KCNN2: variants seen among roughly 807,000 people sequenced by gnomAD.
KCNN2 encodes small conductance calcium-activated potassium channel protein 2.
Under a neutral mutation model 55.5 loss-of-function variants are expected in KCNN2, and 24 were observed. That is an observed-to-expected ratio of 0.43 (90% CI 0.31 to 0.61). The LOEUF (loss-of-function observed/expected upper bound fraction) is 0.61. Among genes scored for constraint, KCNN2 ranks in the 20% least tolerant of loss-of-function variants. KCNN2 has a pLI of 0.08. For synonymous variants in KCNN2, 431 were observed against 336.1 expected (o/e 1.28, Z -3.09); for missense variants, 754 against 853.6 (o/e 0.88, Z 1.45).
intron 2 of KCNN2, among the ~76,000 whole-genome samples, chr5:114,383,615 G>C (rs554233867): frequency 7.1e-4 from 108 of 152,044 alleles, no homozygotes; most frequent in African/African-American, 2.5e-3. Flanking sequence ...ATTACAGGCG[G>C]GCGCAGCCAT....
chr5:114,410,037 C>T (rs536545682), intron 3 of KCNN2, among the ~76,000 whole-genome samples: 2 of 152,258 alleles, frequency 1.3e-5, no homozygotes, highest in East Asian at 3.9e-4. Flanking sequence ...AGGTAGGCAT[C>T]AGTTCTAGGA....
At chr5:114,221,987 C>T (rs1754148493) in intron 2 of KCNN2, among the ~76,000 whole-genome samples, 1 of 152,134 alleles carries the variant, frequency 6.6e-6, no homozygotes, top group Non-Finnish European at 1.5e-5. Flanking sequence ...TGATGAAATA[C>T]ACCTTACTAA....
At chr5:114,457,735 T>C (rs1483367534) in intron 3 of KCNN2, among the ~76,000 whole-genome samples, 3 of 152,190 alleles carry the variant, frequency 2.0e-5, no homozygotes, top group Non-Finnish European at 4.4e-5. Flanking sequence ...TCCCTGGATT[T>C]CCAGCTCTGT....
intron 2 of KCNN2, among the ~76,000 whole-genome samples, chr5:114,295,940 A>G (rs1235006468): frequency 1.3e-5 from 2 of 152,248 alleles, no homozygotes; most frequent in African/African-American, 4.8e-5. Context: ...AGATTCCTGC[A>G]TAACCTAAGG....
intron 1 of KCNN2, among the ~76,000 whole-genome samples, chr5:114,123,745 GACTTTGAT>G (rs1322290463): frequency 3.3e-5 from 5 of 152,034 alleles, no homozygotes; most frequent in African/African-American, 1.2e-4. Flanking sequence ...GCAGATTTTT[GACTTTGAT>G]ATTCTAGATT....
At position 114,230,528 on chromosome 5, in the gene KCNN2, G is replaced by A. The variant is rs373019107; in HGVS notation, c.-185+8963G>A. The stretch of plus-strand genomic sequence containing the variant: ...AATTCCCACCTATGAGTGAGAATAT[G>A]CGGTGTTTGGTTTTTTGTTCTTGCG... On this transcript the variant is annotated intron_variant, in intron 2 of 10. Transcript: ENST00000512097. Among the ~76,000 whole-genome samples the A allele has an allele frequency of 1.6e-4, 15 of 93,100 alleles. 1 individual carries two copies. In the South Asian group the frequency reaches 5.4e-3, roughly 33 times the overall value. 61.1% of individuals were successfully genotyped at this position (93,100 alleles called of 152,430 possible).
At chr5:114,489,065 T>TAATC (rs1432595169) in intron 6 of KCNN2, 2 of 152,238 alleles carry the variant, frequency 1.3e-5, no homozygotes, top group East Asian at 3.9e-4. Context: ...GATTTACCTT[T>TAATC]AATCAATTTT....
At chr5:114,177,192 C>G (rs1000941142) in intron 1 of KCNN2, among the ~76,000 whole-genome samples, 1 of 147,192 alleles carries the variant, frequency 6.8e-6, no homozygotes, top group Non-Finnish European at 1.5e-5. Context: ...GGCTGGAGTG[C>G]AGTGGCGCGA....
chr5:114,093,119 A>G (rs1401171361), intron 1 of KCNN2, among the ~76,000 whole-genome samples: 1 of 152,052 alleles, frequency 6.6e-6, no homozygotes, highest in East Asian at 1.9e-4. Flanking sequence ...ATAAGTTCCA[A>G]TTTCAGATCA....
intron 1 of KCNN2, among the ~76,000 whole-genome samples, chr5:114,102,488 G>A (rs1375716330): frequency 6.6e-6 from 1 of 152,146 alleles, no homozygotes; most frequent in Non-Finnish European, 1.5e-5. Context: ...TGCTTTTGGT[G>A]TTTTAGTCAT....
upstream of KCNN2, chr5:114,361,219 T>A (rs761730094): frequency 6.6e-6 from 1 of 152,274 alleles, no homozygotes. Flanking sequence ...CGGCCGGCTC[T>A]GTCGGCAGAC....
At chr5:114,493,075 G>A (rs2150142819) in intron 6 of KCNN2, among the ~76,000 whole-genome samples, 1 of 152,226 alleles carries the variant, frequency 6.6e-6, no homozygotes, top group Admixed American at 6.5e-5. Flanking sequence ...ATGTCTATGT[G>A]TCATGATACT....
chr5:114,461,831 C>A, intron 3 of KCNN2, among the ~76,000 whole-genome samples: 1 of 151,960 alleles, frequency 6.6e-6, no homozygotes, highest in Admixed American at 6.6e-5. Context: ...CCACCACAGC[C>A]CTGGCAGCAC....
intron 4 of KCNN2, among the ~76,000 whole-genome samples, chr5:114,472,637 TTAAGA>T (rs1340830817): frequency 6.6e-6 from 1 of 152,198 alleles, no homozygotes; most frequent in East Asian, 1.9e-4. Context: ...TGATCTCATC[TTAAGA>T]TTAGAGGTTT....
At chr5:114,301,754 G>A (rs531827282) in intron 2 of KCNN2, among the ~76,000 whole-genome samples, 2 of 152,272 alleles carry the variant, frequency 1.3e-5, no homozygotes, top group East Asian at 1.9e-4. Context: ...AAGACTGTAG[G>A]ATTAGTCTAC....
chr5:114,270,524 A>G (rs912868048), intron 2 of KCNN2, among the ~76,000 whole-genome samples: 5 of 152,228 alleles, frequency 3.3e-5, no homozygotes, highest in African/African-American at 1.2e-4. Flanking sequence ...GTGCATGTCA[A>G]TACTCTTGAA....
At chr5:114,088,650 C>T (rs1248917040) in intron 1 of KCNN2, among the ~76,000 whole-genome samples, 2 of 152,040 alleles carry the variant, frequency 1.3e-5, no homozygotes, top group Admixed American at 6.6e-5. Context: ...GATGGAGTCT[C>T]GCTCTGTCGC....
At chr5:114,479,226 T>TAA (rs55994944) in intron 5 of KCNN2, among the ~76,000 whole-genome samples, 5,507 of 138,910 alleles carry the variant, frequency 0.04, 121 homozygotes, top group African/African-American at 0.053. Context: ...ATGAAAACTA[T>TAA]AAAAAAAAAA....
chr5:114,127,360 T>C (rs1751959590), intron 1 of KCNN2, among the ~76,000 whole-genome samples: 1 of 152,000 alleles, frequency 6.6e-6, no homozygotes, highest in Non-Finnish European at 1.5e-5. Context: ...TAAGTGGAGG[T>C]TCCCCAACGT....
Sources: allele counts gnomAD v4.1 joint callset (sites outside exome capture counted in the v4.1 genomes callset), GRCh38; gene constraint gnomAD v4.1.1; transcripts MANE v1.5; gene names NCBI Gene and HGNC (gene_info 2026-07-23, HGNC 2026-07-21).